The following CDK17 variants were observed in gnomAD, a reference collection of about 807,000 sequenced individuals.
The protein encoded by CDK17 is cyclin dependent kinase 17.
Under a neutral mutation model 77.6 loss-of-function variants are expected in CDK17, and 24 were observed. The ratio of observed to expected loss-of-function variants is 0.31; its 90% CI spans 0.22 to 0.44. The LOEUF (loss-of-function observed/expected upper bound fraction) is 0.44, where lower values mean the gene tolerates loss of function less well. Among genes scored for constraint, CDK17 ranks in the 20% least tolerant of loss-of-function variants. The pLI is 1.00. For missense variants in CDK17, 429 were observed against 622.5 expected (o/e 0.69, Z 3.31); for synonymous variants, 203 against 210.4 (o/e 0.96, Z 0.30).
At chr12:96,351,199 A>T (rs1240024922) in intron 1 of CDK17, among the ~76,000 whole-genome samples, 1 of 152,214 alleles carries the variant, frequency 6.6e-6, no homozygotes, top group East Asian at 1.9e-4. Context: ...GGATGTGGAC[A>T]AACTGGAACA....
Position 96,311,176 on chromosome 12 carries a change from T to G in CDK17, c.419A>C (p.Asp140Ala). ...AGGCAGTGATAACCGCTTATTTAAA[T>G]CCTTAAAAAAAAAAAAAGGTAATCC... ...NRIHRRISMEDLNKRLSLPAD... is the reference protein window; with the variant it reads ...NRIHRRISMEALNKRLSLPAD... Residue 140 changes from aspartate (D) to alanine (A), a missense_variant and splice_region_variant, in exon 5 of 17, where the codon GAT becomes GCT. Around this residue, in one of 4 missense-constraint regions of CDK17, gnomAD observed 262 missense variants for 385.4 expected, o/e 0.68. Transcript: ENST00000261211. The G allele has an allele frequency of 1.3e-6, 2 of 1,506,802 alleles. No homozygotes were observed. Among genetic ancestry groups the G allele is most frequent in the East Asian group, 2.5e-5 (1 of 39,336 alleles). The allele number at this position is 1,506,802 out of a possible 1,614,324, so 93.3% of individuals were successfully genotyped here.
chr12:96,296,135 CA>C (rs898435469), intron 9 of CDK17, among the ~76,000 whole-genome samples: 6 of 152,102 alleles, frequency 3.9e-5, no homozygotes, highest in Non-Finnish European at 7.4e-5. Flanking sequence ...GCCATTTAAA[CA>C]AATAAATAAT....
chr12:96,289,894 A>T (rs987948961), intron 10 of CDK17, among the ~76,000 whole-genome samples: 1 of 152,148 alleles, frequency 6.6e-6, no homozygotes, highest in Non-Finnish European at 1.5e-5. Context: ...GACAGACTTC[A>T]TTGTCCTTGG....
At chr12:96,372,214 G>A (rs1953706643) in intron 1 of CDK17, among the ~76,000 whole-genome samples, 1 of 152,064 alleles carries the variant, frequency 6.6e-6, no homozygotes, top group Non-Finnish European at 1.5e-5. Flanking sequence ...AGAAGACTTG[G>A]CAACATATTA....
chr12:96,347,449 C>T (rs537490876), intron 1 of CDK17, among the ~76,000 whole-genome samples: 1 of 151,322 alleles, frequency 6.6e-6, no homozygotes, highest in South Asian at 2.1e-4. Context: ...TGCCGGTAAT[C>T]CCAGCTACTC....
intron 9 of CDK17, among the ~76,000 whole-genome samples, chr12:96,297,010 A>G (rs1952416728): frequency 6.6e-6 from 1 of 152,090 alleles, no homozygotes; most frequent in African/African-American, 2.4e-5. Context: ...CTGTACATAT[A>G]TTCTATATTA....
chr12:96,380,224 T>C (rs918347445), intron 1 of CDK17, among the ~76,000 whole-genome samples: 2 of 149,016 alleles, frequency 1.3e-5, no homozygotes, highest in Non-Finnish European at 3.0e-5. Context: ...GTAATTCTCA[T>C]GTCTCTGAGG....
chr12:96,344,731 T>C (rs1953174148), intron 1 of CDK17, among the ~76,000 whole-genome samples: 1 of 152,194 alleles, frequency 6.6e-6, no homozygotes, highest in Non-Finnish European at 1.5e-5. Flanking sequence ...GACATAACAC[T>C]GGTAAAGGTA....
intron 1 of CDK17, among the ~76,000 whole-genome samples, chr12:96,358,759 A>C (rs1953447072): frequency 6.6e-6 from 1 of 152,160 alleles, no homozygotes; most frequent in South Asian, 2.1e-4. Flanking sequence ...CAGGAGGCGA[A>C]GGCTGCAGTG....
At chr12:96,347,962 A>T (rs1953249450) in intron 1 of CDK17, among the ~76,000 whole-genome samples, 1 of 152,202 alleles carries the variant, frequency 6.6e-6, no homozygotes, top group Non-Finnish European at 1.5e-5. Flanking sequence ...CTGATCAAAG[A>T]AGAAACCACA....
intron 1 of CDK17, among the ~76,000 whole-genome samples, chr12:96,368,490 G>C (rs1019274550): frequency 1.3e-5 from 2 of 152,154 alleles, no homozygotes; most frequent in Non-Finnish European, 2.9e-5. Flanking sequence ...TGCTCCAGAA[G>C]AGGCAGCCAG....
At chr12:96,299,547 C>A (rs542425070) in intron 6 of CDK17, among the ~76,000 whole-genome samples, 1 of 152,070 alleles carries the variant, frequency 6.6e-6, no homozygotes, top group Non-Finnish European at 1.5e-5. Context: ...CCCGCCACCA[C>A]GCCCAGCTAA....
At chr12:96,328,155 T>C (rs990905668) in intron 2 of CDK17, among the ~76,000 whole-genome samples, 6 of 152,214 alleles carry the variant, frequency 3.9e-5, no homozygotes, top group Admixed American at 3.9e-4. Context: ...TTGTGAACTG[T>C]GCATGCGAGG....
rs868052699 is a variant in CDK17, at chr12:96,316,624, G to A, written c.284-3170C>T. Among the ~76,000 whole-genome samples, 6 of 134,002 alleles carry A rather than the reference G, an allele frequency of 4.5e-5. 1 individual carries two copies. The highest frequency in any genetic ancestry group is 3.2e-4 in the Admixed American group (4 of 12,420). 87.9% of individuals were successfully genotyped at this position (134,002 alleles called of 152,430 possible). A position where few individuals can be genotyped will look rare whatever the true frequency, so the allele number is the denominator to read the frequency against. ...CTGGAGATCTGAGAACGGGCAGACT[G>A]CCTCCTCAAGTGGGTCCCTGACCCC... On this transcript the variant is annotated intron_variant, in intron 3 of 16. Coordinates refer to ENST00000261211, the MANE Select transcript of CDK17 (RefSeq NM_002595.5).
At chr12:96,327,329 C>T (rs567756336) in intron 2 of CDK17, among the ~76,000 whole-genome samples, 1 of 152,146 alleles carries the variant, frequency 6.6e-6, no homozygotes, top group Admixed American at 6.5e-5. Flanking sequence ...AGGGAATCAA[C>T]AGCAAAAGGA....
At chr12:96,290,322 A>C (rs1952307994) in intron 10 of CDK17, among the ~76,000 whole-genome samples, 1 of 152,372 alleles carries the variant, frequency 6.6e-6, no homozygotes, top group South Asian at 2.1e-4. Flanking sequence ...TTTAAAAAAT[A>C]TCTGGAAAAT....
chr12:96,302,389 T>C (rs1438559341), intron 5 of CDK17, among the ~76,000 whole-genome samples: 1 of 152,106 alleles, frequency 6.6e-6, no homozygotes, highest in Non-Finnish European at 1.5e-5. Context: ...CTTGCCAAGA[T>C]CACAGAAACT....
chr12:96,379,791 A>T (rs754986129), intron 1 of CDK17, among the ~76,000 whole-genome samples: 4 of 152,168 alleles, frequency 2.6e-5, no homozygotes, highest in African/African-American at 7.2e-5. Context: ...AATTTCTAAC[A>T]TATCGAAACA....
intron 9 of CDK17, among the ~76,000 whole-genome samples, chr12:96,296,353 C>T (rs1293530275): frequency 6.6e-6 from 1 of 152,060 alleles, no homozygotes; most frequent in African/African-American, 2.4e-5. Context: ...AAGATGAAAA[C>T]AACCCTGACA....
Sources: gnomAD v4.1 joint callset for allele counts (sites outside exome capture counted in the v4.1 genomes callset) on GRCh38, gnomAD v4.1.1 for gene constraint, gnomAD v4.1.1 regional missense constraint, MANE v1.5 for transcripts, NCBI Gene and HGNC (gene_info 2026-07-23, HGNC 2026-07-21) for gene names.